KIF15: variants seen among roughly 807,000 people sequenced by gnomAD.
KIF15 encodes kinesin family member 15, also known as kinesin-like protein KIF15.
A neutral mutation model predicts 190.6 loss-of-function variants in KIF15; 140 were observed. The observed-to-expected ratio is 0.73, with a 90% CI of 0.64 to 0.84. The LOEUF (loss-of-function observed/expected upper bound fraction) is 0.84. Ranked by LOEUF, KIF15 falls within the 40% of genes least tolerant of loss-of-function variation. KIF15 has a pLI of 0.00. For synonymous variants in KIF15, 528 were observed against 551.3 expected (o/e 0.96, Z 0.59); for missense variants, 1,372 against 1,584.4 (o/e 0.87, Z 2.28).
chr3:44,774,383 T>C lies in KIF15; in HGVS notation c.20-12T>C. The C allele has an allele frequency of 6.2e-7, 1 of 1,611,340 alleles. No homozygotes were observed. Among genetic ancestry groups the C allele is most frequent in the Non-Finnish European group, 8.5e-7 (1 of 1,178,682 alleles). ...AATTTAAATGACCTTTAATAACTTT[T>C]TTTTTTTCTAGCTGAGTTACGCAGC... On this transcript the variant is annotated splice_polypyrimidine_tract_variant and intron_variant, in intron 1 of 34. Transcript: ENST00000326047.
rs1193910638 is a variant in KIF15, at chr3:44,829,530, AATATGTATATATTAT to A, written c.2944-391_2944-377del. Among the ~76,000 whole-genome samples the A allele has an allele frequency of 6.6e-3, 660 of 100,296 alleles. 5 individuals carry two copies. Among genetic ancestry groups the A allele is most frequent in the Non-Finnish European group, 8.1e-3 (463 of 56,884 alleles). The allele number at this position is 100,296 out of a possible 152,430, so 65.8% of individuals were successfully genotyped here. On this transcript the variant is annotated intron_variant, in intron 24 of 34. Transcript: ENST00000326047. ...ATACGCATATATATTATATGTATAT[AATATGTATATATTAT>A]ATATGTATATATTATATATGTATAT...
chr3:44,797,141 C>A (rs1156882428), intron 8 of KIF15, among the ~76,000 whole-genome samples: 1 of 152,178 alleles, frequency 6.6e-6, no homozygotes, highest in African/African-American at 2.4e-5. Flanking sequence ...GATCCTCCCA[C>A]CTCAGCCTCC....
chr3:44,805,226 A>G, intron 15 of KIF15, 58 bp downstream of exon 15: 1 of 1,507,410 alleles, frequency 6.6e-7, no homozygotes, highest in Non-Finnish European at 9.1e-7. Context: ...CATTTGCTGT[A>G]GTGTTAATAT....
At position 44,786,474 on chromosome 3, in the gene KIF15, C is replaced by G; in HGVS notation, c.539C>G (p.Ser180Cys). The change falls in exon 7 of 35, where the codon TCT (serine) becomes TGT (cysteine). Residue 180 changes from serine (S) to cysteine (C), a missense_variant. Ser to Cys is a moderately radical substitution (Grantham distance 112, BLOSUM62 -1). Coordinates refer to ENST00000326047, the MANE Select transcript of KIF15 (RefSeq NM_020242.3). ...GAGCAGATATATGATCTACTGGACT[C>G]TGCATCGGCTGGACTGTACTTAAGG... The part of the protein sequence containing the change: ...YNEQIYDLLD[S>C]ASAGLYLREH... 6.2e-7 allele frequency: 1 copy of G among 1,613,978 alleles called. No individual in the cohort carries two copies. The highest frequency in any genetic ancestry group is 8.5e-7 in the Non-Finnish European group (1 of 1,179,892).
At chr3:44,800,029 C>T (rs1707190141) in intron 10 of KIF15, among the ~76,000 whole-genome samples, 1 of 152,024 alleles carries the variant, frequency 6.6e-6, no homozygotes, top group South Asian at 2.1e-4. Context: ...GGTGAACACA[C>T]CCGGATCCTA....
intron 17 of KIF15, among the ~76,000 whole-genome samples, chr3:44,811,779 G>A (rs1038738867): frequency 6.6e-6 from 1 of 152,128 alleles, no homozygotes; most frequent in African/African-American, 2.4e-5. Context: ...GTTTTCTACT[G>A]TCCAGTAAAA....
At chr3:44,847,667 C>T (rs1343666306) in intron 30 of KIF15, among the ~76,000 whole-genome samples, 1 of 152,164 alleles carries the variant, frequency 6.6e-6, no homozygotes, top group Non-Finnish European at 1.5e-5. Context: ...TGTTCACATT[C>T]GATCTTCAGA....
chr3:44,780,200 A>G (rs1183891827), intron 4 of KIF15, among the ~76,000 whole-genome samples: 2 of 150,820 alleles, frequency 1.3e-5, no homozygotes, highest in South Asian at 4.2e-4. Context: ...CCATCTTTCT[A>G]CTTCAGCCTC....
At chr3:44,782,415 C>T (rs1039466430) in intron 5 of KIF15, among the ~76,000 whole-genome samples, 1 of 152,148 alleles carries the variant, frequency 6.6e-6, no homozygotes, top group Non-Finnish European at 1.5e-5. Flanking sequence ...AGGTCTTCCT[C>T]GCTCTCTGAG....
chr3:44,847,974 A>G lies in KIF15; in HGVS notation c.3696-11A>G. 6.3e-7 allele frequency: 1 copy of G among 1,590,032 alleles called. No individual in the cohort carries two copies. Among genetic ancestry groups the G allele is most frequent in the Non-Finnish European group, 8.6e-7 (1 of 1,167,948 alleles). On this transcript the variant is annotated splice_polypyrimidine_tract_variant and intron_variant, in intron 30 of 34. Transcript: ENST00000326047. ...TCCTATGCCTCCTCCCACCCCTGTT[A>G]ATCTATGCAGTGATCAGAATCATCC...
intron 25 of KIF15, 83 bp downstream of exon 25, chr3:44,830,158 A>C (rs994713424): frequency 3.5e-6 from 2 of 578,346 alleles, no homozygotes; most frequent in Non-Finnish European, 5.7e-6. Flanking sequence ...ATGCTCCACC[A>C]GAAAAAAGAT....
Position 44,868,593 on chromosome 3 carries a change from A to G in KIF15, c.*60-4736A>G, listed in dbSNP as rs548111261. On this transcript the variant is annotated intron_variant and NMD_transcript_variant, in intron 6 of 6. Coordinates refer to the KIF15 transcript ENST00000422209. The stretch of plus-strand genomic sequence containing the variant: ...GAAGGAGAGAAGGCAAGCCAGGAAA[A>G]GGGCCCTCATCAGAACCTGAATTTG... 2.0e-3 allele frequency among the ~76,000 whole-genome samples: 305 copies of G among 152,320 alleles called. 7 individuals are homozygous for G. Among genetic ancestry groups the G allele is most frequent in the Admixed American group, 0.02 (301 of 15,302 alleles).
At chr3:44,868,507 A>G (rs1176920857) in intron 6 of KIF15, among the ~76,000 whole-genome samples, 1 of 152,224 alleles carries the variant, frequency 6.6e-6, no homozygotes, top group Admixed American at 6.5e-5. Context: ...AATTGCTGAT[A>G]TAACTATGAT....
chr3:44,778,954 T>C (rs1191123432), intron 4 of KIF15, among the ~76,000 whole-genome samples: 3 of 111,202 alleles, frequency 2.7e-5, no homozygotes, highest in African/African-American at 3.6e-5. Context: ...CACTCCAGCC[T>C]GGGTGACAGG....
At chr3:44,782,381 CTGAATTG>C in intron 5 of KIF15, among the ~76,000 whole-genome samples, 1 of 152,230 alleles carries the variant, frequency 6.6e-6, no homozygotes, top group Non-Finnish European at 1.5e-5. Context: ...TTAATGGCTT[CTGAATTG>C]TGAGTTGTAG....
intron 5 of KIF15, among the ~76,000 whole-genome samples, chr3:44,781,658 T>C (rs1314296779): frequency 6.6e-6 from 1 of 152,244 alleles, no homozygotes; most frequent in Non-Finnish European, 1.5e-5. Context: ...ATCTCAGTAG[T>C]ATATGGAAGT....
intron 6 of KIF15, among the ~76,000 whole-genome samples, chr3:44,860,727 G>A (rs1160283515): frequency 2.6e-5 from 4 of 152,162 alleles, no homozygotes; most frequent in Admixed American, 2.6e-4. Flanking sequence ...GCAGCATGGT[G>A]TGGAAGGACT....
At chr3:44,779,064 A>G (rs1261614743) in intron 4 of KIF15, among the ~76,000 whole-genome samples, 1 of 150,532 alleles carries the variant, frequency 6.6e-6, no homozygotes, top group Non-Finnish European at 1.5e-5. Flanking sequence ...TATGTTATGG[A>G]TATGCATTTA....
At chr3:44,773,573 G>A (rs74778405) in intron 1 of KIF15, among the ~76,000 whole-genome samples, 8,368 of 152,250 alleles carry the variant, frequency 0.055, 239 homozygotes, top group Middle Eastern at 0.088. Flanking sequence ...TCAAAAAAAA[G>A]AAGGAAAATG....
Sources: gnomAD v4.1 joint callset for allele counts (sites outside exome capture counted in the v4.1 genomes callset) on GRCh38, gnomAD v4.1.1 for gene constraint, MANE v1.5 for transcripts, NCBI Gene and HGNC (gene_info 2026-07-23, HGNC 2026-07-21) for gene names.